The following CDK18 variants were observed in gnomAD, a reference collection of about 807,000 sequenced individuals.
The protein encoded by CDK18 is cyclin dependent kinase 18, also known as cyclin-dependent kinase 18.
Under a neutral mutation model 62.0 loss-of-function variants are expected in CDK18, and 52 were observed. The ratio of observed to expected loss-of-function variants is 0.84; its 90% confidence interval spans 0.67 to 1.06. CDK18 has a LOEUF of 1.06. Among genes scored for constraint, CDK18 ranks in the 50% least tolerant of loss-of-function variants. The pLI is 0.00. For missense variants in CDK18, 604 were observed against 619.9 expected (o/e 0.97, Z 0.27); for synonymous variants, 237 against 247.0 (o/e 0.96, Z 0.38).
chr1:205,523,400 G>A (rs1191226875), intron 2 of CDK18, 83 bp from the exon 3 acceptor site: 2 of 1,599,070 alleles, frequency 1.3e-6, no homozygotes, highest in Non-Finnish European at 8.6e-7. Context: ...TAGGGGAGGA[G>A]CACAGCGCTG....
Position 205,529,560 on chromosome 1 carries a change from C to T in CDK18, c.1218C>T (p.Leu406=). 2 of 1,613,604 alleles carry T rather than the reference C, an allele frequency of 1.2e-6. No individual in the cohort carries two copies. The highest frequency in any genetic ancestry group is 1.6e-4 in the Middle Eastern group (1 of 6,062). The change falls in exon 13 of 16, where the codon CTC becomes CTT. Residue 406 remains leucine, a synonymous_variant. Coordinates refer to ENST00000429964, the MANE Select transcript of CDK18 (RefSeq NM_212502.3). ...TDGIHLLSSL[L]LYESKSRMSA... is the part of the protein sequence containing the mutation. Reference sequence around the variant, plus strand: ...GCATCCACCTCCTGAGCAGCCTGCTCCTGGTGAGTGTCCTCCCGGCGGGGC... The same window carrying T: ...GCATCCACCTCCTGAGCAGCCTGCTTCTGGTGAGTGTCCTCCCGGCGGGGC...
At position 205,516,671 on chromosome 1, in the gene CDK18, C is replaced by G. The variant is rs558750744; in HGVS notation, c.-21-6476C>G. 2 of 152,308 alleles carry G rather than the reference C, an allele frequency of 1.3e-5. No individual in the cohort carries two copies. The highest frequency in any genetic ancestry group is 4.8e-5 in the African/African-American group (2 of 41,510). 9.4% of individuals were successfully genotyped at this position (152,308 alleles called of 1,614,324 possible). ...GTCACGCCCCATTGAAGGAGGGGCA[C>G]CTGGTGGTCCTGGGGGTGGGGTGGA... On this transcript the variant is annotated intron_variant, in intron 1 of 15. Transcript: ENST00000429964. The surrounding 1 kb of genome is among the most constrained non-coding windows in gnomAD (Gnocchi z 4.8).
chr1:205,519,809 A>C (rs1283195542), intron 1 of CDK18, among the ~76,000 whole-genome samples: 3 of 151,410 alleles, frequency 2.0e-5, no homozygotes, highest in Non-Finnish European at 2.9e-5. Flanking sequence ...TCCTTCCCGG[A>C]GGCTTTTAAT....
At chr1:205,526,617 G>A in intron 7 of CDK18, 156 bp downstream of exon 7, 1 of 935,578 alleles carries the variant, frequency 1.1e-6, no homozygotes, top group Non-Finnish European at 1.8e-6. Flanking sequence ...TGCAGGAGTG[G>A]GCCAAGAGCT....
At chr1:205,518,610 A>G (rs1246875076) in intron 1 of CDK18, among the ~76,000 whole-genome samples, 1 of 152,164 alleles carries the variant, frequency 6.6e-6, no homozygotes, top group African/African-American at 2.4e-5. Flanking sequence ...CAACCAGGAA[A>G]TTGCTGCGTG....
chr1:205,526,207 C>T (rs1458914213), intron 6 of CDK18, 28 bp downstream of exon 6: 1 of 1,592,418 alleles, frequency 6.3e-7, no homozygotes. Context: ...CCCACGCTCC[C>T]CTGGGGGCTT....
chr1:205,527,243 C>T lies in CDK18; in HGVS notation c.729+406C>T. The T allele has an allele frequency of 4.4e-6, 1 of 225,174 alleles. No individual in the cohort carries two copies. Among genetic ancestry groups the T allele is most frequent in the Non-Finnish European group, 8.8e-6 (1 of 113,618 alleles). The allele number at this position is 225,174 out of a possible 1,614,324, so 13.9% of individuals were successfully genotyped here. A position where few individuals can be genotyped will look rare whatever the true frequency, so the allele number is the denominator to read the frequency against. ...CGCCTGTAATCCCAGCACTGGGAGG[C>T]CAAGGCAGGAAGATGGCTTGAGCCC... On this transcript the variant is annotated intron_variant, in intron 8 of 15. Transcript: ENST00000429964. This position sits in a 1 kb window ranked among gnomAD's most constrained non-coding sequence, Gnocchi z 4.1.
At position 205,528,150 on chromosome 1, in the gene CDK18, C is replaced by T; in HGVS notation, c.956C>T (p.Ser319Phe). 1 of 1,613,746 alleles carries T rather than the reference C, an allele frequency of 6.2e-7. No homozygotes were observed. Among genetic ancestry groups the T allele is most frequent in the Non-Finnish European group, 8.5e-7 (1 of 1,179,976 alleles). Residue 319 changes from serine (S) to phenylalanine (F), a missense_variant, in exon 10 of 16, where the codon TCC becomes TTC. Transcript: ENST00000429964. This position sits in a 1 kb window ranked among gnomAD's most constrained non-coding sequence, Gnocchi z 4.2. ...GTGCTGCTGGGATCCACAGAGTACT[C>T]CACCCCCATTGATATGTGGTGAGTG... ...PDVLLGSTEY[S>F]TPIDMWGVGC...
In CDK18 at chr1:205,524,312, A is replaced by G. The variant is rs1256693326; in HGVS notation, c.354A>G (p.Pro118=). The G allele has an allele frequency of 1.9e-6, 3 of 1,614,040 alleles. No homozygotes were observed. Among genetic ancestry groups the G allele is most frequent in the Non-Finnish European group, 2.5e-6 (3 of 1,180,038 alleles). Residue 118 remains proline, a synonymous_variant, in exon 4 of 16, where the codon CCA becomes CCG. Transcript: ENST00000429964. ...EFLQKLQMES[P]DLPKPLSRMS... The stretch of plus-strand genomic sequence containing the variant: ...TACAGAAGCTACAGATGGAGAGCCC[A>G]GATCTGCCCAAGCCGCTCAGCCGCA...
intron 13 of CDK18, 36 bp from the exon 14 acceptor site, chr1:205,530,223 C>G (rs761853478): frequency 1.9e-6 from 3 of 1,607,294 alleles, no homozygotes; most frequent in Admixed American, 3.3e-5. Context: ...TGCAGCCCCC[C>G]AGCCGGGCCC....
chr1:205,525,262 C>T (rs1668365831), intron 5 of CDK18, 67 bp downstream of exon 5: 1 of 1,153,730 alleles, frequency 8.7e-7, no homozygotes, highest in Non-Finnish European at 1.3e-6. Flanking sequence ...GGCAGACCTC[C>T]CTAGTCGGCC....
Position 205,528,934 on chromosome 1 carries a change from TG to T in CDK18, c.975-63del. The T allele has an allele frequency of 9.3e-7, 1 of 1,073,898 alleles. No individual in the cohort carries two copies. Among genetic ancestry groups the T allele is most frequent in the Non-Finnish European group, 1.4e-6 (1 of 736,334 alleles). The allele number at this position is 1,073,898 out of a possible 1,614,324, so 66.5% of individuals were successfully genotyped here. A position where few individuals can be genotyped will look rare whatever the true frequency, so the allele number is the denominator to read the frequency against. On this transcript the variant is annotated intron_variant, in intron 10 of 15. Transcript: ENST00000429964. The surrounding 1 kb of genome is among the most constrained non-coding windows in gnomAD (Gnocchi z 4.2). ...TGGCAGGTCGTCATTGGTGCCCTGG[TG>T]GAGCAGCCCTAGGAAGGGCGGCCGC...
intron 1 of CDK18, among the ~76,000 whole-genome samples, chr1:205,520,841 G>T (rs1668085821): frequency 6.6e-6 from 1 of 152,190 alleles, no homozygotes; most frequent in Non-Finnish European, 1.5e-5. Flanking sequence ...CACACCCCCT[G>T]CCACCATCAT....
intron 1 of CDK18, among the ~76,000 whole-genome samples, chr1:205,508,398 G>A (rs16855690): frequency 0.17 from 25,788 of 152,220 alleles, 2,426 homozygotes; most frequent in Middle Eastern, 0.26. Context: ...CAAGGGTCTG[G>A]GATCCAGGAT....
intron 1 of CDK18, among the ~76,000 whole-genome samples, chr1:205,521,499 C>CCTGTAATTA (rs1668125730): frequency 6.6e-6 from 1 of 152,252 alleles, no homozygotes; most frequent in Admixed American, 6.5e-5. Flanking sequence ...CAGGCATGAG[C>CCTGTAATTA]CACCATGCCC....
At chr1:205,524,490 T>C in intron 4 of CDK18, 133 bp downstream of exon 4, 2 of 984,772 alleles carry the variant, frequency 2.0e-6, no homozygotes, top group Non-Finnish European at 3.1e-6. Flanking sequence ...CCTGCTGGCT[T>C]GAGTGCATTC....
rs557763056 is a variant in CDK18, at chr1:205,531,639, G to A, written c.*261G>A. The A allele has an allele frequency of 1.1e-4, 51 of 476,606 alleles. No homozygotes were observed. The highest frequency in any genetic ancestry group is 8.3e-4 in the African/African-American group (42 of 50,566). The allele number at this position is 476,606 out of a possible 1,614,324, so 29.5% of individuals were successfully genotyped here. On this transcript the variant is annotated 3_prime_UTR_variant, in exon 16 of 16. Coordinates refer to ENST00000429964, the MANE Select transcript of CDK18 (RefSeq NM_212502.3). The stretch of plus-strand genomic sequence containing the variant: ...AAGCTGCTTCCCTGAGAGGACATGA[G>A]GGGGGGGCGGTCCTCGTACCCTCTC...
chr1:205,515,831 T>A (rs1473213581), intron 1 of CDK18, among the ~76,000 whole-genome samples: 1 of 152,292 alleles, frequency 6.6e-6, no homozygotes, highest in East Asian at 1.9e-4. Flanking sequence ...CCCAAATTGC[T>A]CCCGGAAGGC....
Position 205,509,219 on chromosome 1 carries a change from T to C in CDK18, c.-22+4423T>C, listed in dbSNP as rs116021740. ...CCTGAAGAGACTGGACACCTTGCTC[T>C]GGGAGACATGGGCCAGAACTTTTGA... On this transcript the variant is annotated intron_variant, in intron 1 of 15. Coordinates refer to ENST00000429964, the MANE Select transcript of CDK18 (RefSeq NM_212502.3). Among the ~76,000 whole-genome samples the C allele has an allele frequency of 1.9e-3, 296 of 152,296 alleles. 2 individuals carry two copies. The highest frequency in any genetic ancestry group is 6.9e-3 in the African/African-American group (287 of 41,568).
Sources: allele counts gnomAD v4.1 joint callset (sites outside exome capture counted in the v4.1 genomes callset), GRCh38; gene constraint gnomAD v4.1.1; non-coding constraint Gnocchi (gnomAD v3.1); transcripts MANE v1.5; gene names NCBI Gene and HGNC (gene_info 2026-07-23, HGNC 2026-07-21).